The following FBXL7 variants were observed in gnomAD, a reference collection of about 807,000 sequenced individuals.
FBXL7 encodes the protein F-box/LRR-repeat protein 7.
In FBXL7, 12 loss-of-function variants were observed where a neutral mutation model predicts 38.3. That is an observed-to-expected ratio of 0.31 (90% CI 0.20 to 0.51). The LOEUF is 0.51. Ranked by LOEUF, FBXL7 falls within the 20% of genes least tolerant of loss-of-function variation. FBXL7 has a pLI of 0.98. For missense variants in FBXL7, 567 were observed against 676.4 expected (o/e 0.84, Z 1.79); for synonymous variants, 297 against 300.9 (o/e 0.99, Z 0.13).
chr5:15,766,212 G>C (rs74989631), intron 2 of FBXL7, among the ~76,000 whole-genome samples: 2 of 152,086 alleles, frequency 1.3e-5, no homozygotes, highest in Admixed American at 1.3e-4. Flanking sequence ...CGGCCTCCTA[G>C]CCTTCCATGA....
At chr5:15,932,659 T>C (rs1742066928) in intron 3 of FBXL7, among the ~76,000 whole-genome samples, 1 of 152,182 alleles carries the variant, frequency 6.6e-6, no homozygotes, top group Non-Finnish European at 1.5e-5. Context: ...TCCCATGGAC[T>C]TGCCCCTTGC....
At chr5:15,584,334 A>G (rs1464165855) in intron 1 of FBXL7, among the ~76,000 whole-genome samples, 1 of 152,126 alleles carries the variant, frequency 6.6e-6, no homozygotes, top group African/African-American at 2.4e-5. Flanking sequence ...TTTCTACCAC[A>G]TGGCCAGGCT....
intron 2 of FBXL7, among the ~76,000 whole-genome samples, chr5:15,865,467 A>C (rs2126814440): frequency 6.6e-6 from 1 of 152,306 alleles, no homozygotes; most frequent in South Asian, 2.1e-4. Flanking sequence ...AGAAGCAAAG[A>C]TACTTCTATA....
At chr5:15,661,457 C>T (rs1742067244) in intron 2 of FBXL7, among the ~76,000 whole-genome samples, 2 of 152,166 alleles carry the variant, frequency 1.3e-5, no homozygotes, top group South Asian at 4.1e-4. Context: ...TGACAGCATA[C>T]ATCCTTTCCT....
chr5:15,846,688 G>A (rs1268086398), intron 2 of FBXL7, among the ~76,000 whole-genome samples: 1 of 152,098 alleles, frequency 6.6e-6, no homozygotes, highest in African/African-American at 2.4e-5. Flanking sequence ...TTTAAAAGTG[G>A]CATTAATGAG....
At chr5:15,804,426 G>GC (rs1254676455) in intron 2 of FBXL7, among the ~76,000 whole-genome samples, 3 of 152,152 alleles carry the variant, frequency 2.0e-5, no homozygotes, top group African/African-American at 7.2e-5. Flanking sequence ...CTCTGGTCAT[G>GC]CCACTGCAGT....
intron 1 of FBXL7, among the ~76,000 whole-genome samples, chr5:15,535,936 A>G (rs1034895526): frequency 4.6e-5 from 7 of 152,262 alleles, no homozygotes; most frequent in Admixed American, 3.3e-4. Flanking sequence ...TCACAGGCCC[A>G]GAGGCCTAGA....
chr5:15,849,345 A>G (rs1049085409), intron 2 of FBXL7, among the ~76,000 whole-genome samples: 3 of 152,172 alleles, frequency 2.0e-5, no homozygotes, highest in African/African-American at 4.8e-5. Flanking sequence ...GAATTAGCGA[A>G]TTAGAAACAA....
intron 1 of FBXL7, among the ~76,000 whole-genome samples, chr5:15,583,124 G>A (rs929781334): frequency 2.6e-5 from 4 of 152,164 alleles, no homozygotes; most frequent in African/African-American, 9.7e-5. Context: ...ATGGTGGCAG[G>A]TGAGAGAGAG....
At chr5:15,801,519 A>AT (rs1355162865) in intron 2 of FBXL7, among the ~76,000 whole-genome samples, 26 of 152,306 alleles carry the variant, frequency 1.7e-4, no homozygotes, top group African/African-American at 6.0e-4. Flanking sequence ...TTTCTGCAGT[A>AT]TAGGCTTTTA....
At chr5:15,858,668 C>G (rs1175652280) in intron 2 of FBXL7, among the ~76,000 whole-genome samples, 1 of 152,160 alleles carries the variant, frequency 6.6e-6, no homozygotes, top group South Asian at 2.1e-4. Context: ...AGGGAGCAAG[C>G]TACCTCGGCC....
At chr5:15,604,448 G>A (rs1195205430) in intron 1 of FBXL7, among the ~76,000 whole-genome samples, 3 of 152,040 alleles carry the variant, frequency 2.0e-5, no homozygotes, top group African/African-American at 4.8e-5. Flanking sequence ...TCTACCCCCC[G>A]GGTTAAAGAG....
chr5:15,904,428 G>GC (rs1741306788), intron 2 of FBXL7, among the ~76,000 whole-genome samples: 1 of 152,150 alleles, frequency 6.6e-6, no homozygotes, highest in Admixed American at 6.5e-5. Flanking sequence ...TGTGGCAAAA[G>GC]CAGAGATTCC....
intron 2 of FBXL7, among the ~76,000 whole-genome samples, chr5:15,831,695 A>T (rs1196534482): frequency 6.6e-6 from 1 of 152,168 alleles, no homozygotes. Context: ...GGCTGCTCTC[A>T]TGGAGCATGG....
chr5:15,897,407 C>T lies in FBXL7; in HGVS notation c.128-30483C>T, dbSNP rs146464156. On this transcript the variant is annotated intron_variant, in intron 2 of 3. Transcript: ENST00000504595. Reference sequence around the variant, plus strand: ...GGAAAATAGTTTTGAACAGGATCATCAGGGCATGCATGATCATGGAGTTTA... The same window carrying T: ...GGAAAATAGTTTTGAACAGGATCATTAGGGCATGCATGATCATGGAGTTTA... 4.1e-3 allele frequency among the ~76,000 whole-genome samples: 618 copies of T among 152,278 alleles called. 4 individuals are homozygous for T. Among genetic ancestry groups the T allele is most frequent in the Non-Finnish European group, 6.0e-3 (407 of 68,030 alleles).
chr5:15,923,605 T>C (rs1741802539), intron 2 of FBXL7, among the ~76,000 whole-genome samples: 1 of 152,206 alleles, frequency 6.6e-6, no homozygotes, highest in African/African-American at 2.4e-5. Flanking sequence ...CTTCTAGGTA[T>C]GCATCTCTGT....
chr5:15,937,240 T>A lies in FBXL7; in HGVS notation c.*54T>A. ...CACACAAACCTGAACAAAGCAAATT[T>A]TTTTAAAAGCAGCGTATGTAAGCAC... On this transcript the variant is annotated 3_prime_UTR_variant, in exon 4 of 4. Coordinates refer to ENST00000504595, the MANE Select transcript of FBXL7 (RefSeq NM_012304.5). 9.5e-6 allele frequency: 14 copies of A among 1,475,116 alleles called. No individual in the cohort carries two copies. Among genetic ancestry groups the A allele is most frequent in the Non-Finnish European group, 1.1e-5 (12 of 1,115,492 alleles). 91.4% of individuals were successfully genotyped at this position (1,475,116 alleles called of 1,614,324 possible).
chr5:15,531,931 G>A (rs1429313219), intron 1 of FBXL7, among the ~76,000 whole-genome samples: 1 of 152,300 alleles, frequency 6.6e-6, no homozygotes, highest in East Asian at 1.9e-4. Flanking sequence ...TCAGGATTAA[G>A]AGTGTGTGAT....
intron 2 of FBXL7, among the ~76,000 whole-genome samples, chr5:15,826,392 A>G (rs1468426286): frequency 6.6e-6 from 1 of 152,158 alleles, no homozygotes; most frequent in Non-Finnish European, 1.5e-5. Flanking sequence ...TTTTAAGTAC[A>G]GAATGAGGAA....
Sources: gnomAD v4.1 joint callset for allele counts (sites outside exome capture counted in the v4.1 genomes callset) on GRCh38, gnomAD v4.1.1 for gene constraint, MANE v1.5 for transcripts, NCBI Gene and HGNC (gene_info 2026-07-23, HGNC 2026-07-21) for gene names.